Variants in HS3ST3A1 observed in about 807,000 individuals in gnomAD.
HS3ST3A1 encodes heparan sulfate glucosamine 3-O-sulfotransferase 3A1.
A neutral mutation model predicts 25.7 loss-of-function variants in HS3ST3A1; 19 were observed. That is an observed-to-expected ratio of 0.74 (90% confidence interval 0.52 to 1.08). The LOEUF (loss-of-function observed/expected upper bound fraction) is 1.08, where lower values mean the gene tolerates loss of function less well. Among genes scored for constraint, HS3ST3A1 ranks in the 50% least tolerant of loss-of-function variants. The pLI, the probability that HS3ST3A1 is intolerant of heterozygous loss-of-function variation, is 0.00. For missense variants in HS3ST3A1, 459 were observed against 594.3 expected, an observed-to-expected ratio of 0.77 and a Z score of 2.37; for synonymous variants, 226 against 278.6, an observed-to-expected ratio of 0.81 and a Z score of 1.88.
intron 1 of HS3ST3A1, among the ~76,000 whole-genome samples, chr17:13,524,865 C>T (rs1906360773): frequency 6.6e-6 from 1 of 152,136 alleles, no homozygotes; most frequent in Non-Finnish European, 1.5e-5. Context: ...TTTCTAACAG[C>T]TTTCATGTCA....
In HS3ST3A1 at chr17:13,601,433, T is replaced by A. The variant is rs560221051; in HGVS notation, c.-304A>T. 28 of 309,090 alleles carry A rather than the reference T, an allele frequency of 9.1e-5. No individual in the cohort carries two copies. In the South Asian group the frequency reaches 2.9e-3, roughly 32 times the overall value. 19.1% of individuals were successfully genotyped at this position (309,090 alleles called of 1,614,324 possible). On this transcript the variant is annotated 5_prime_UTR_variant, in exon 1 of 2. Coordinates refer to ENST00000284110, the MANE Select transcript of HS3ST3A1 (RefSeq NM_006042.3). ...CTGAGCTTGGGGCAGCCTTGGCCCC[T>A]CGGTTCCCCGCAAGAGTCGCCGGAA...
At chr17:13,582,630 T>C (rs183052416) in intron 1 of HS3ST3A1, among the ~76,000 whole-genome samples, 1 of 152,316 alleles carries the variant, frequency 6.6e-6, no homozygotes, top group Admixed American at 6.5e-5. Flanking sequence ...GCACGTGAAA[T>C]GAAACATTTA....
chr17:13,547,943 C>A lies in HS3ST3A1; in HGVS notation c.600-51125G>T, dbSNP rs76996650. ...GAGTTGGAGAATTGGTTGGTGTGAG[C>A]CAAAAAAAAAAAAAAAAAAACCACA... is the stretch of plus-strand genomic sequence containing the variant. On this transcript the variant is annotated intron_variant, in intron 1 of 1. Transcript: ENST00000284110. Among the ~76,000 whole-genome samples, 73 of 83,848 alleles carry A rather than the reference C, an allele frequency of 8.7e-4. 4 individuals are homozygous for A. Among genetic ancestry groups the A allele is most frequent in the Non-Finnish European group, 8.2e-4 (36 of 43,766 alleles). The allele number at this position is 83,848 out of a possible 152,430, so 55.0% of individuals were successfully genotyped here.
At chr17:13,530,858 G>A (rs1244497611) in intron 1 of HS3ST3A1, among the ~76,000 whole-genome samples, 2 of 152,132 alleles carry the variant, frequency 1.3e-5, no homozygotes, top group African/African-American at 4.8e-5. Context: ...CCACCCAGTA[G>A]TTTTACAGTA....
intron 1 of HS3ST3A1, among the ~76,000 whole-genome samples, chr17:13,505,740 T>G (rs1054151249): frequency 7.2e-5 from 11 of 151,784 alleles, no homozygotes; most frequent in African/African-American, 2.4e-4. Context: ...AAAAAGAAAA[T>G]TTGGGCTGGG....
At chr17:13,568,576 T>C (rs1318526852) in intron 1 of HS3ST3A1, among the ~76,000 whole-genome samples, 1 of 152,250 alleles carries the variant, frequency 6.6e-6, no homozygotes, top group Non-Finnish European at 1.5e-5. Context: ...TAATATTTTC[T>C]TTTGTTTCTT....
chr17:13,523,789 T>G (rs1381170524), intron 1 of HS3ST3A1, among the ~76,000 whole-genome samples: 1 of 152,198 alleles, frequency 6.6e-6, no homozygotes, highest in Non-Finnish European at 1.5e-5. Flanking sequence ...TATCTAAAAT[T>G]CATTATTGTA....
At chr17:13,560,435 A>ATCATGACATC (rs1350641866) in intron 1 of HS3ST3A1, among the ~76,000 whole-genome samples, 16 of 151,924 alleles carry the variant, frequency 1.1e-4, no homozygotes, top group Non-Finnish European at 2.2e-4. Flanking sequence ...AGAGTTAAAC[A>ATCATGACATC]TCATGACATC....
chr17:13,573,707 ATGTT>A (rs1369739435), intron 1 of HS3ST3A1, among the ~76,000 whole-genome samples: 3 of 152,114 alleles, frequency 2.0e-5, no homozygotes, highest in African/African-American at 4.8e-5. Context: ...CACGGGCTGA[ATGTT>A]TGTACCCCTC....
chr17:13,599,215 A>C (rs1209604896), intron 1 of HS3ST3A1, among the ~76,000 whole-genome samples: 1 of 152,216 alleles, frequency 6.6e-6, no homozygotes, highest in Non-Finnish European at 1.5e-5. Flanking sequence ...TATATCATCT[A>C]TATTAAGGGA....
At position 13,601,112 on chromosome 17, in the gene HS3ST3A1, C is replaced by T; in HGVS notation, c.18G>A (p.Pro6=). The T allele has an allele frequency of 6.4e-7, 1 of 1,573,358 alleles. No homozygotes were observed. The highest frequency in any genetic ancestry group is 1.2e-5 in the South Asian group (1 of 85,180). Residue 6 remains proline (P), a synonymous_variant, in exon 1 of 2, where the codon CCG becomes CCA. Transcript: ENST00000284110. ...CGGCCGAGGTGGAGAGGGCACTGGC[C>T]GGGCCCGGAGGGGCCATCCTAGCCG... MAPPG[P]ASALSTSAEP...
At chr17:13,497,791 T>A (rs1905332038) in intron 1 of HS3ST3A1, among the ~76,000 whole-genome samples, 1 of 152,256 alleles carries the variant, frequency 6.6e-6, no homozygotes, top group Non-Finnish European at 1.5e-5. Flanking sequence ...ATTTTGTAGT[T>A]TTGACTTCTC....
At chr17:13,553,034 GAC>G (rs1299234711) in intron 1 of HS3ST3A1, among the ~76,000 whole-genome samples, 1 of 152,152 alleles carries the variant, frequency 6.6e-6, no homozygotes. Context: ...GTCTTTCTAG[GAC>G]CATGTTAGTT....
At chr17:13,497,233 A>G (rs73982011) in intron 1 of HS3ST3A1, among the ~76,000 whole-genome samples, 3,402 of 152,296 alleles carry the variant, frequency 0.022, 147 homozygotes, top group African/African-American at 0.077. Context: ...AAATATCCTG[A>G]GCCCTTCCTG....
At chr17:13,530,635 A>G (rs919114984) in intron 1 of HS3ST3A1, among the ~76,000 whole-genome samples, 5 of 119,008 alleles carry the variant, frequency 4.2e-5, no homozygotes, top group Admixed American at 1.5e-4. Flanking sequence ...TCTCAAAGTT[A>G]CCTCCCTTTG....
chr17:13,566,710 C>T (rs59406603), intron 1 of HS3ST3A1, among the ~76,000 whole-genome samples: 1 of 152,204 alleles, frequency 6.6e-6, no homozygotes, highest in African/African-American at 2.4e-5. Flanking sequence ...TCAAACCAGC[C>T]ACAACATCCC....
intron 1 of HS3ST3A1, among the ~76,000 whole-genome samples, chr17:13,579,328 C>T (rs11078167): frequency 0.59 from 89,116 of 151,946 alleles, 26,610 homozygotes; most frequent in Admixed American, 0.67. Context: ...AACAAAGATT[C>T]CCATCAAAAG....
intron 1 of HS3ST3A1, among the ~76,000 whole-genome samples, chr17:13,591,905 C>G (rs1908436391): frequency 6.6e-6 from 1 of 152,200 alleles, no homozygotes; most frequent in Non-Finnish European, 1.5e-5. Context: ...AGTGATCTGC[C>G]TGCCTCTGTC....
intron 1 of HS3ST3A1, among the ~76,000 whole-genome samples, chr17:13,565,546 G>A (rs12601584): frequency 1.4e-5 from 1 of 69,138 alleles, no homozygotes; most frequent in African/African-American, 3.1e-5. Flanking sequence ...AAATAAATAA[G>A]TAAGTAAAAT....
Sources: allele counts gnomAD v4.1 joint callset (sites outside exome capture counted in the v4.1 genomes callset), GRCh38; gene constraint gnomAD v4.1.1; transcripts MANE v1.5; gene names NCBI Gene and HGNC (gene_info 2026-07-23, HGNC 2026-07-21).